Variants in STX1A observed in about 807,000 individuals in gnomAD.
STX1A encodes syntaxin 1A.
STX1A carries 4 observed loss-of-function variants against 37.8 expected under a neutral mutation model. That is an observed-to-expected ratio of 0.11 (90% CI 0.05 to 0.24). The LOEUF (loss-of-function observed/expected upper bound fraction) is 0.24. Ranked by LOEUF, STX1A falls within the 10% of genes least tolerant of loss-of-function variation. The pLI is 1.00. For synonymous variants in STX1A, 135 were observed against 147.4 expected (o/e 0.92, Z 0.61); for missense variants, 251 against 399.9 (o/e 0.63, Z 3.18).
chr7:73,708,398 C>T (rs1798962816), intron 3 of STX1A, among the ~76,000 whole-genome samples, 191 bp downstream of exon 3: 1 of 152,140 alleles, frequency 6.6e-6, no homozygotes. Context: ...GGGTACTGAC[C>T]CCCCAGTTCC....
Position 73,700,062 on chromosome 7 carries a change from C to A in STX1A, c.*345G>T. The A allele has an allele frequency of 2.6e-6, 1 of 391,548 alleles. No individual in the cohort carries two copies. Among genetic ancestry groups the A allele is most frequent in the South Asian group, 2.6e-5 (1 of 38,182 alleles). 24.3% of individuals were successfully genotyped at this position (391,548 alleles called of 1,614,324 possible). A position where few individuals can be genotyped will look rare whatever the true frequency, so the allele number is the denominator to read the frequency against. ...CAGCTGGAGGCGAGGTTAGGGTCCCCAGGGAAGAGCAGAACCTGGGCCCAC... is the reference window on the plus strand; with the variant it reads ...CAGCTGGAGGCGAGGTTAGGGTCCCAAGGGAAGAGCAGAACCTGGGCCCAC... On this transcript the variant is annotated 3_prime_UTR_variant, in exon 10 of 10. Transcript: ENST00000222812. The surrounding 1 kb of genome is among the most constrained non-coding windows in gnomAD (Gnocchi z 4.4).
intron 4 of STX1A, chr7:73,704,694 G>A (rs1798807689): frequency 3.6e-6 from 2 of 556,672 alleles, no homozygotes; most frequent in East Asian, 6.1e-5. Flanking sequence ...CCTATGCCTG[G>A]GTACCACTCC....
In STX1A at chr7:73,709,088, A is replaced by G; in HGVS notation, c.65T>C (p.Val22Ala). 1 of 1,613,962 alleles carries G rather than the reference A, an allele frequency of 6.2e-7. No homozygotes were observed. Among genetic ancestry groups the G allele is most frequent in the Non-Finnish European group, 8.5e-7 (1 of 1,179,998 alleles). Residue 22 changes from valine to alanine, a missense_variant, in exon 2 of 10, where the codon GTC becomes GCC. Around this residue, in one of 2 missense-constraint regions of STX1A, gnomAD observed 37 missense variants for 32.3 expected, o/e 1.15. Coordinates refer to ENST00000222812, the MANE Select transcript of STX1A (RefSeq NM_004603.4). This position sits in a 1 kb window ranked among gnomAD's most constrained non-coding sequence, Gnocchi z 4.2. ...KDSDDDDDVA[V>A]TVDRDRFMDE... The stretch of plus-strand genomic sequence containing the variant: ...CATGAAGCGGTCTCGGTCCACGGTG[A>G]CAGCGACATCATCATCATCATCGCT...
chr7:73,710,107 G>C (rs1799045100), intron 1 of STX1A, among the ~76,000 whole-genome samples: 2 of 152,204 alleles, frequency 1.3e-5, no homozygotes, highest in African/African-American at 2.4e-5. Context: ...GGCACAAGGG[G>C]ACAGTCATGT....
At chr7:73,703,731 A>G in intron 7 of STX1A, 24 bp downstream of exon 7, 1 of 1,609,692 alleles carries the variant, frequency 6.2e-7, no homozygotes, top group South Asian at 1.1e-5. Flanking sequence ...GGGTCATGGC[A>G]GGAGGGATGG....
intron 1 of STX1A, among the ~76,000 whole-genome samples, chr7:73,716,366 C>T (rs138393669): frequency 1.3e-3 from 205 of 152,360 alleles, no homozygotes; most frequent in African/African-American, 4.6e-3. Context: ...CTCTTCCCAG[C>T]AACGAAAGAG....
intron 2 of STX1A, 131 bp from the exon 3 acceptor site, chr7:73,708,819 G>T: frequency 1.0e-6 from 1 of 1,004,834 alleles, no homozygotes; most frequent in East Asian, 2.6e-5. Flanking sequence ...GTGCTGGGGT[G>T]CAGTGGGGGT....
chr7:73,701,974 C>G (rs145548250), intron 8 of STX1A, among the ~76,000 whole-genome samples: 6 of 152,284 alleles, frequency 3.9e-5, no homozygotes, highest in African/African-American at 1.4e-4. Context: ...TAGAAGAGAC[C>G]GCAAATTCCC....
At chr7:73,712,355 C>T (rs1261738811) in intron 1 of STX1A, among the ~76,000 whole-genome samples, 2 of 150,124 alleles carry the variant, frequency 1.3e-5, no homozygotes, top group Non-Finnish European at 3.0e-5. Context: ...CCTGGCCCTA[C>T]AATCCACCCT....
At chr7:73,714,641 C>T (rs10227463) in intron 1 of STX1A, among the ~76,000 whole-genome samples, 53,229 of 151,586 alleles carry the variant, frequency 0.35, 9,688 homozygotes, top group South Asian at 0.47. Flanking sequence ...CTCAAGCAGT[C>T]TTCCCGCCTC....
chr7:73,702,556 C>T lies in STX1A; in HGVS notation c.678+289G>A. The T allele has an allele frequency of 2.4e-6, 2 of 825,554 alleles. No homozygotes were observed. The highest frequency in any genetic ancestry group is 3.6e-6 in the Non-Finnish European group (2 of 557,934). The allele number at this position is 825,554 out of a possible 1,614,324, so 51.1% of individuals were successfully genotyped here. On this transcript the variant is annotated intron_variant, in intron 8 of 9. Coordinates refer to ENST00000222812, the MANE Select transcript of STX1A (RefSeq NM_004603.4). The surrounding 1 kb of genome is among the most constrained non-coding windows in gnomAD (Gnocchi z 4.7). The stretch of plus-strand genomic sequence containing the variant: ...CTTCAGTCTCTGGGGAAATGCGTGG[C>T]CCACAGTGGCCCCATGAGGAAACAG...
chr7:73,709,066 G>A lies in STX1A; in HGVS notation c.87C>T (p.Phe29=). ...DVAVTVDRDR[F]MDEFFEQVEE... ...CCACCTGCTCAAAGAACTCATCCAT[G>A]AAGCGGTCTCGGTCCACGGTGACAG... Residue 29 remains phenylalanine (F), a synonymous_variant, in exon 2 of 10, where the codon TTC becomes TTT. Transcript: ENST00000222812. This position sits in a 1 kb window ranked among gnomAD's most constrained non-coding sequence, Gnocchi z 4.2. 1 of 1,614,128 alleles carries A rather than the reference G, an allele frequency of 6.2e-7. No homozygotes were observed. Among genetic ancestry groups the A allele is most frequent in the Non-Finnish European group, 8.5e-7 (1 of 1,180,016 alleles).
intron 1 of STX1A, chr7:73,711,476 C>G (rs1430843997): frequency 6.5e-6 from 1 of 153,220 alleles, no homozygotes; most frequent in Admixed American, 6.5e-5. Flanking sequence ...CACTCCCCAC[C>G]GAGTGCCTGG....
In STX1A at chr7:73,702,461, G is replaced by A; in HGVS notation, c.678+384C>T. ...TGGAGAACCTTCGATTTGTTCTTAG[G>A]CAACTCTTTTGCCCAACAGCCATTC... On this transcript the variant is annotated intron_variant, in intron 8 of 9. Coordinates refer to ENST00000222812, the MANE Select transcript of STX1A (RefSeq NM_004603.4). This position sits in a 1 kb window ranked among gnomAD's most constrained non-coding sequence, Gnocchi z 4.7. 1 of 400,744 alleles carries A rather than the reference G, an allele frequency of 2.5e-6. No individual in the cohort carries two copies. Among genetic ancestry groups the A allele is most frequent in the Non-Finnish European group, 4.4e-6 (1 of 227,808 alleles). The allele number at this position is 400,744 out of a possible 1,614,324, so 24.8% of individuals were successfully genotyped here. A position where few individuals can be genotyped will look rare whatever the true frequency, so the allele number is the denominator to read the frequency against.
chr7:73,700,865 T>A lies in STX1A; in HGVS notation c.679-25A>T. On this transcript the variant is annotated intron_variant, in intron 8 of 9. Coordinates refer to ENST00000222812, the MANE Select transcript of STX1A (RefSeq NM_004603.4). The surrounding 1 kb of genome is among the most constrained non-coding windows in gnomAD (Gnocchi z 4.4). The stretch of plus-strand genomic sequence containing the variant: ...CCTGCGGGGCCGGGGGCACCCGAGC[T>A]CCAGAGGGCCCCCTCCTCAGGGTTG... The A allele has an allele frequency of 6.2e-7, 1 of 1,611,214 alleles. No homozygotes were observed. The highest frequency in any genetic ancestry group is 2.2e-5 in the East Asian group (1 of 44,836).
In STX1A at chr7:73,709,217, C is replaced by T. The variant is rs1799002450; in HGVS notation, c.31-95G>A. On this transcript the variant is annotated intron_variant, in intron 1 of 9. Coordinates refer to ENST00000222812, the MANE Select transcript of STX1A (RefSeq NM_004603.4). This position sits in a 1 kb window ranked among gnomAD's most constrained non-coding sequence, Gnocchi z 4.2. Reference sequence around the variant, plus strand: ...GGTACAGCGCCAGGGCCCTGCCCCTCCCCCTCTCCCTGGGGGCCTCTGGGC... The same window carrying T: ...GGTACAGCGCCAGGGCCCTGCCCCTTCCCCTCTCCCTGGGGGCCTCTGGGC... 3.2e-6 allele frequency: 4 copies of T among 1,250,760 alleles called. No homozygotes were observed. Among genetic ancestry groups the T allele is most frequent in the Non-Finnish European group, 3.4e-6 (3 of 872,810 alleles). The allele number at this position is 1,250,760 out of a possible 1,614,324, so 77.5% of individuals were successfully genotyped here. A position where few individuals can be genotyped will look rare whatever the true frequency, so the allele number is the denominator to read the frequency against.
intron 4 of STX1A, 156 bp downstream of exon 4, chr7:73,704,994 G>T (rs1798818814): frequency 2.6e-6 from 2 of 770,110 alleles, no homozygotes; most frequent in East Asian, 2.5e-5. Flanking sequence ...AACGGGCCTT[G>T]CCAAGTAGCT....
chr7:73,713,495 A>C (rs1554618254), intron 1 of STX1A, among the ~76,000 whole-genome samples: 1 of 152,210 alleles, frequency 6.6e-6, no homozygotes, highest in African/African-American at 2.4e-5. Context: ...TTGGGAGGCC[A>C]AGGTGGGAGG....
In STX1A at chr7:73,709,244, G is replaced by T; in HGVS notation, c.31-122C>A. 1.0e-6 allele frequency: 1 copy of T among 977,106 alleles called. No homozygotes were observed. Among genetic ancestry groups the T allele is most frequent in the Non-Finnish European group, 1.6e-6 (1 of 641,422 alleles). 60.5% of individuals were successfully genotyped at this position (977,106 alleles called of 1,614,324 possible). On this transcript the variant is annotated intron_variant, in intron 1 of 9. Coordinates refer to ENST00000222812, the MANE Select transcript of STX1A (RefSeq NM_004603.4). This position sits in a 1 kb window ranked among gnomAD's most constrained non-coding sequence, Gnocchi z 4.2. ...CCCTCTCCCTGGGGGCCTCTGGGCA[G>T]GGACAAGAACAGGCCTGGCTGTTCC... is the stretch of plus-strand genomic sequence containing the variant.
Sources: allele counts gnomAD v4.1 joint callset (sites outside exome capture counted in the v4.1 genomes callset), GRCh38; gene constraint gnomAD v4.1.1; regional missense constraint gnomAD v4.1.1; non-coding constraint Gnocchi (gnomAD v3.1); transcripts MANE v1.5; gene names NCBI Gene and HGNC (gene_info 2026-07-23, HGNC 2026-07-21).